Variants in UBE2U observed in about 807,000 individuals in gnomAD.
UBE2U encodes the protein ubiquitin conjugating enzyme E2 U, also known as ubiquitin-conjugating enzyme E2 U.
Under a neutral mutation model 41.2 loss-of-function variants are expected in UBE2U, and 39 were observed. That is an observed-to-expected ratio of 0.95 (90% CI 0.73 to 1.24). UBE2U has a LOEUF of 1.24. Among genes scored for constraint, UBE2U ranks in the 50% most tolerant of loss-of-function variants. The pLI is 0.00. For synonymous variants in UBE2U, 107 were observed against 117.8 expected, an observed-to-expected ratio of 0.91 and a Z score of 0.60; for missense variants, 336 against 363.1, an observed-to-expected ratio of 0.93 and a Z score of 0.61.
chr1:64,239,157 A>AGAAG (rs756975010), intron 7 of UBE2U, among the ~76,000 whole-genome samples: 3 of 37,064 alleles, frequency 8.1e-5, no homozygotes, highest in African/African-American at 2.5e-4. Context: ...GAAGAAGAAG[A>AGAAG]AAGAAGAAGA....
At chr1:64,223,348 G>T (rs183876327) in intron 6 of UBE2U, among the ~76,000 whole-genome samples, 1 of 152,226 alleles carries the variant, frequency 6.6e-6, no homozygotes, top group South Asian at 2.1e-4. Context: ...TAGGCCTGTC[G>T]ATCCATTAGG....
At chr1:64,234,701 A>T (rs1255834555) in intron 7 of UBE2U, among the ~76,000 whole-genome samples, 1 of 152,214 alleles carries the variant, frequency 6.6e-6, no homozygotes, top group Non-Finnish European at 1.5e-5. Context: ...TAGCAGCTCT[A>T]TCAGTATAAA....
At position 64,229,781 on chromosome 1, in the gene UBE2U, G is replaced by A. The variant is rs190089392; in HGVS notation, c.507-2780G>A. 3.3e-5 allele frequency among the ~76,000 whole-genome samples: 5 copies of A among 152,246 alleles called. No individual in the cohort carries two copies. The East Asian group carries it at 9.6e-4, about 29-fold the overall frequency. On this transcript the variant is annotated intron_variant, in intron 6 of 9. Coordinates refer to ENST00000371077, the MANE Select transcript of UBE2U (RefSeq NM_001366232.2). The stretch of plus-strand genomic sequence containing the variant: ...TTTCATTGGCTCCTCTTAATTACAA[G>A]TTGGTTTCTGCTCTTTCTTTTCAAA...
chr1:64,252,966 T>C (rs1645034823), intron 8 of UBE2U, among the ~76,000 whole-genome samples: 1 of 152,194 alleles, frequency 6.6e-6, no homozygotes, highest in Non-Finnish European at 1.5e-5. Context: ...CAAACTTCAC[T>C]GAGCTAAAGG....
At chr1:64,224,890 AAAT>A (rs1652755186) in intron 6 of UBE2U, among the ~76,000 whole-genome samples, 1 of 151,928 alleles carries the variant, frequency 6.6e-6, no homozygotes, top group Admixed American at 6.6e-5. Context: ...CCACAATAAA[AAAT>A]AAATGAAAAG....
chr1:64,247,350 G>A lies in UBE2U; in HGVS notation c.677+5617G>A, dbSNP rs116931183. 1.2e-3 allele frequency among the ~76,000 whole-genome samples: 177 copies of A among 152,192 alleles called. 2 individuals are homozygous for A. In the East Asian group the frequency reaches 0.033, roughly 29 times the overall value. The stretch of plus-strand genomic sequence containing the variant: ...TCCCTTCCTCTCTCCTGAAAAAGCG[G>A]AATTTTAATATGAGTCACAAACATA... On this transcript the variant is annotated intron_variant, in intron 8 of 9. Transcript: ENST00000371077.
rs1285185405 is a variant in UBE2U, at chr1:64,216,088, T to C, written c.457+1156T>C. The stretch of plus-strand genomic sequence containing the variant: ...TTCCCTTCCAGGACTCCCAGTCCAT[T>C]AGCTAGGTCTGTATAATTGTGACCA... On this transcript the variant is annotated intron_variant, in intron 5 of 9. Coordinates refer to ENST00000371077, the MANE Select transcript of UBE2U (RefSeq NM_001366232.2). 6.6e-5 allele frequency among the ~76,000 whole-genome samples: 10 copies of C among 152,180 alleles called. No homozygotes were observed. The East Asian group carries it at 1.9e-3, about 29-fold the overall frequency.
chr1:64,256,306 G>A (rs1366848025), intron 8 of UBE2U, among the ~76,000 whole-genome samples: 4 of 152,258 alleles, frequency 2.6e-5, no homozygotes, highest in African/African-American at 9.6e-5. Flanking sequence ...AACCCAAGTA[G>A]CCAAGACAAT....
chr1:64,231,557 T>C (rs900824361), intron 6 of UBE2U, among the ~76,000 whole-genome samples: 1 of 152,226 alleles, frequency 6.6e-6, no homozygotes, highest in African/African-American at 2.4e-5. Flanking sequence ...AGTGTGATTG[T>C]AAAAGTAACA....
At chr1:64,263,238 C>T (rs1566009) in intron 9 of UBE2U, among the ~76,000 whole-genome samples, 33,886 of 152,058 alleles carry the variant, frequency 0.22, 3,996 homozygotes, top group Middle Eastern at 0.35. Context: ...ATATTAATTC[C>T]TGCTCCACCT....
chr1:64,219,228 C>T (rs1045182341), intron 5 of UBE2U, among the ~76,000 whole-genome samples: 6 of 152,124 alleles, frequency 3.9e-5, no homozygotes, highest in South Asian at 4.1e-4. Flanking sequence ...CTTTCCAAAT[C>T]GTAAATACTT....
chr1:64,235,295 A>G (rs115148037), intron 7 of UBE2U, among the ~76,000 whole-genome samples: 3 of 152,332 alleles, frequency 2.0e-5, no homozygotes, highest in Admixed American at 2.0e-4. Flanking sequence ...CTTTGAATCT[A>G]GCACTTGGTG....
At chr1:64,205,744 A>AT (rs1300299132) in intron 2 of UBE2U, 24 bp downstream of exon 2, 3 of 1,594,952 alleles carry the variant, frequency 1.9e-6, no homozygotes, top group Non-Finnish European at 2.6e-6. Context: ...AAACCAATCT[A>AT]TTTTTTAAAA....
chr1:64,239,301 T>C (rs1000253592), intron 7 of UBE2U, among the ~76,000 whole-genome samples: 3 of 152,036 alleles, frequency 2.0e-5, no homozygotes, highest in Admixed American at 2.0e-4. Context: ...ATAAAGTATA[T>C]ATGAGCATAT....
At chr1:64,261,129 G>A (rs1645174729) in intron 9 of UBE2U, among the ~76,000 whole-genome samples, 1 of 152,120 alleles carries the variant, frequency 6.6e-6, no homozygotes, top group African/African-American at 2.4e-5. Flanking sequence ...TTTACTTGTT[G>A]GGATAGGTTG....
chr1:64,208,324 C>T (rs1651432991), intron 3 of UBE2U, among the ~76,000 whole-genome samples: 2 of 152,006 alleles, frequency 1.3e-5, no homozygotes, highest in African/African-American at 4.8e-5. Context: ...ACGTTTATTC[C>T]CACCAGGCTC....
chr1:64,219,243 A>G (rs1342600265), intron 5 of UBE2U, among the ~76,000 whole-genome samples: 2 of 152,186 alleles, frequency 1.3e-5, no homozygotes, highest in African/African-American at 4.8e-5. Context: ...ATACTTTACT[A>G]CATTTTAGTT....
intron 8 of UBE2U, among the ~76,000 whole-genome samples, chr1:64,249,884 GAA>G (rs1644980123): frequency 6.6e-6 from 1 of 152,048 alleles, no homozygotes; most frequent in Admixed American, 6.6e-5. Flanking sequence ...CCAATTTGAT[GAA>G]GTCTGCAAAT....
chr1:64,242,839 T>C (rs1644858028), intron 8 of UBE2U, among the ~76,000 whole-genome samples: 1 of 152,218 alleles, frequency 6.6e-6, no homozygotes, highest in South Asian at 2.1e-4. Flanking sequence ...CCTGAAGGCA[T>C]GTTTTAAGTT....
Sources: gnomAD v4.1 joint callset for allele counts (sites outside exome capture counted in the v4.1 genomes callset) on GRCh38, gnomAD v4.1.1 for gene constraint, MANE v1.5 for transcripts, NCBI Gene and HGNC (gene_info 2026-07-23, HGNC 2026-07-21) for gene names.